GLCCI1: variants seen among roughly 807,000 people sequenced by gnomAD.
The protein encoded by GLCCI1 is glucocorticoid induced 1, also known as glucocorticoid-induced transcript 1 protein.
In GLCCI1, 24 loss-of-function variants were observed where a neutral mutation model predicts 52.2. The ratio of observed to expected loss-of-function variants is 0.46; its 90% confidence interval spans 0.33 to 0.65. GLCCI1 has a LOEUF of 0.65. GLCCI1 is among the 30% of genes least tolerant of loss of function. The pLI is 0.02. For missense variants in GLCCI1, 704 were observed against 701.5 expected (o/e 1.00, Z -0.04); for synonymous variants, 310 against 276.5 (o/e 1.12, Z -1.20).
At chr7:8,076,319 A>C (rs1562451973) in intron 6 of GLCCI1, among the ~76,000 whole-genome samples, 1 of 152,158 alleles carries the variant, frequency 6.6e-6, no homozygotes, top group South Asian at 2.1e-4. Flanking sequence ...TTCTCTTTAT[A>C]TGGTTCTAGG....
In GLCCI1 at chr7:8,041,369, G is replaced by A. The variant is rs528553561; in HGVS notation, c.697-14064G>A. On this transcript the variant is annotated intron_variant, in intron 3 of 7. Coordinates refer to ENST00000223145, the MANE Select transcript of GLCCI1 (RefSeq NM_138426.4). ...AGGAAAGAAGCCATATCTATAAAGT[G>A]CAAGGTGAAGAAGTACTAAGTGGTG... is the stretch of plus-strand genomic sequence containing the variant. Among the ~76,000 whole-genome samples the A allele has an allele frequency of 3.7e-4, 57 of 152,332 alleles. 1 individual carries two copies. In the South Asian group the frequency reaches 9.7e-3, roughly 26 times the overall value.
intron 3 of GLCCI1, among the ~76,000 whole-genome samples, chr7:8,042,095 T>C (rs1251754236): frequency 1.3e-5 from 2 of 152,212 alleles, no homozygotes; most frequent in African/African-American, 2.4e-5. Flanking sequence ...AAAGATTCTT[T>C]TCAAAATATT....
chr7:8,086,465 C>A lies in GLCCI1; in HGVS notation c.1571C>A (p.Ser524Tyr). 1 of 1,614,148 alleles carries A rather than the reference C, an allele frequency of 6.2e-7. No individual in the cohort carries two copies. The highest frequency in any genetic ancestry group is 8.5e-7 in the Non-Finnish European group (1 of 1,180,026). The change falls in exon 8 of 8, where the codon TCC becomes TAC. Residue 524 changes from serine (S) to tyrosine (Y), a missense_variant. Around this residue, in one of 3 missense-constraint regions of GLCCI1, gnomAD observed 149 missense variants for 152.9 expected, o/e 0.97. Transcript: ENST00000223145. The surrounding 1 kb of genome is among the most constrained non-coding windows in gnomAD (Gnocchi z 4.4). ...GSMEASVQQP[S>Y]QQQQLLQELQ... ...ATGGAGGCCTCTGTCCAGCAGCCAT[C>A]CCAGCAGCAGCAGCTCCTGCAGGAA...
At chr7:7,984,274 G>C (rs1478046178) in intron 1 of GLCCI1, among the ~76,000 whole-genome samples, 2 of 152,022 alleles carry the variant, frequency 1.3e-5, no homozygotes, top group Non-Finnish European at 2.9e-5. Context: ...TACCCAGACT[G>C]GTCTTGAACT....
At chr7:8,047,605 A>T (rs957243099) in intron 3 of GLCCI1, among the ~76,000 whole-genome samples, 1 of 152,232 alleles carries the variant, frequency 6.6e-6, no homozygotes, top group African/African-American at 2.4e-5. Context: ...ATTAACATCA[A>T]ATGAGTAAGA....
At chr7:8,060,537 A>AT (rs1782490360) in intron 5 of GLCCI1, among the ~76,000 whole-genome samples, 2 of 152,076 alleles carry the variant, frequency 1.3e-5, no homozygotes, top group Admixed American at 1.3e-4. Context: ...CTGTTGATGG[A>AT]TTTTTTGCTG....
chr7:8,088,945 A>G lies in GLCCI1; in HGVS notation c.*2407A>G, dbSNP rs1187689921. The G allele has an allele frequency of 1.3e-5, 2 of 152,676 alleles. No homozygotes were observed. Among genetic ancestry groups the G allele is most frequent in the African/African-American group, 4.8e-5 (2 of 41,464 alleles). 9.5% of individuals were successfully genotyped at this position (152,676 alleles called of 1,614,324 possible). On this transcript the variant is annotated 3_prime_UTR_variant, in exon 8 of 8. Coordinates refer to ENST00000223145, the MANE Select transcript of GLCCI1 (RefSeq NM_138426.4). The stretch of plus-strand genomic sequence containing the variant: ...GTATATAATTGTACTGTTTAATTCT[A>G]GCCATTGCGCTGAACAGTATTTGAG...
At chr7:7,981,099 T>G in intron 1 of GLCCI1, 1 of 468,534 alleles carries the variant, frequency 2.1e-6, no homozygotes, top group South Asian at 1.6e-5. Flanking sequence ...ATGCAGATAT[T>G]AAACCTCCGG....
intron 3 of GLCCI1, among the ~76,000 whole-genome samples, chr7:8,025,778 G>A (rs367831072): frequency 3.9e-5 from 6 of 152,186 alleles, no homozygotes; most frequent in East Asian, 3.8e-4. Context: ...AATCAGAAGC[G>A]ATGGGGACCA....
intron 6 of GLCCI1, among the ~76,000 whole-genome samples, chr7:8,071,863 A>C (rs1376627437): frequency 6.6e-6 from 1 of 152,234 alleles, no homozygotes; most frequent in Non-Finnish European, 1.5e-5. Flanking sequence ...GCTTGTCACC[A>C]TAGAGAAATA....
intron 3 of GLCCI1, among the ~76,000 whole-genome samples, chr7:8,034,027 G>C (rs750230844): frequency 5.3e-5 from 8 of 152,030 alleles, no homozygotes; most frequent in Non-Finnish European, 1.0e-4. Flanking sequence ...CATTAATATA[G>C]TTAGTATAGT....
intron 1 of GLCCI1, among the ~76,000 whole-genome samples, chr7:7,983,188 A>ATCT (rs1780657366): frequency 6.8e-6 from 1 of 147,566 alleles, no homozygotes; most frequent in Non-Finnish European, 1.5e-5. Context: ...CACTGAAGAA[A>ATCT]ATCTTACGGC....
At chr7:7,983,656 A>G (rs972622356) in intron 1 of GLCCI1, among the ~76,000 whole-genome samples, 2 of 152,196 alleles carry the variant, frequency 1.3e-5, no homozygotes, top group Admixed American at 6.5e-5. Flanking sequence ...CTGTTTAGCT[A>G]TATATGTTCA....
chr7:8,004,637 A>G (rs148120287), intron 2 of GLCCI1, among the ~76,000 whole-genome samples: 3 of 152,336 alleles, frequency 2.0e-5, no homozygotes, highest in East Asian at 3.9e-4. Flanking sequence ...CCATATCTTC[A>G]TAACAGTAGT....
At chr7:8,076,026 A>G (rs1782869775) in intron 6 of GLCCI1, among the ~76,000 whole-genome samples, 1 of 152,220 alleles carries the variant, frequency 6.6e-6, no homozygotes, top group Non-Finnish European at 1.5e-5. Flanking sequence ...GGTTGACCCT[A>G]GGCAGACTTT....
At chr7:8,011,540 G>T (rs258849) in intron 2 of GLCCI1, among the ~76,000 whole-genome samples, 3 of 151,852 alleles carry the variant, frequency 2.0e-5, no homozygotes, top group Admixed American at 2.0e-4. Context: ...TTATCCATTC[G>T]TCTATGGGTG....
chr7:8,062,005 G>A (rs1049309904), intron 5 of GLCCI1, among the ~76,000 whole-genome samples: 1 of 151,994 alleles, frequency 6.6e-6, no homozygotes, highest in Admixed American at 6.6e-5. Context: ...TGAAGTTTAA[G>A]AACAGTCATG....
At chr7:8,053,435 G>T in intron 3 of GLCCI1, among the ~76,000 whole-genome samples, 1 of 148,076 alleles carries the variant, frequency 6.8e-6, no homozygotes, top group East Asian at 2.0e-4. Flanking sequence ...CAATTCTTTT[G>T]CCTCAGCCTC....
chr7:8,067,302 C>A (rs1782650231), intron 5 of GLCCI1, among the ~76,000 whole-genome samples: 1 of 152,092 alleles, frequency 6.6e-6, no homozygotes, highest in Non-Finnish European at 1.5e-5. Flanking sequence ...CTTAAAGACG[C>A]CTACTGTTTA....
Sources: gnomAD v4.1 joint callset for allele counts (sites outside exome capture counted in the v4.1 genomes callset) on GRCh38, gnomAD v4.1.1 for gene constraint, gnomAD v4.1.1 regional missense constraint, Gnocchi (gnomAD v3.1) non-coding constraint, MANE v1.5 for transcripts, NCBI Gene and HGNC (gene_info 2026-07-23, HGNC 2026-07-21) for gene names.